Variants in TCEA1 observed in about 807,000 individuals in gnomAD.
The protein encoded by TCEA1 is transcription elongation factor A1, also known as transcription elongation factor A protein 1.
A neutral mutation model predicts 43.8 loss-of-function variants in TCEA1; 21 were observed. The observed-to-expected ratio is 0.48, with a 90% CI of 0.34 to 0.69. The LOEUF is 0.69. TCEA1 is among the 30% of genes least tolerant of loss of function. The pLI is 0.01. For missense variants in TCEA1, 250 were observed against 365.1 expected, an observed-to-expected ratio of 0.68 and a Z score of 2.57; for synonymous variants, 104 against 117.5, an observed-to-expected ratio of 0.88 and a Z score of 0.75.
At position 54,003,906 on chromosome 8, in the gene TCEA1, T is replaced by C. The variant is rs116300473; in HGVS notation, c.127-3856A>G. On this transcript the variant is annotated intron_variant, in intron 2 of 9. Coordinates refer to ENST00000521604, the MANE Select transcript of TCEA1 (RefSeq NM_006756.4). ...TCTATGTCTGATAAGCGACTTGTAT[T>C]TGGAATATATAAAGAACTATTACAA... Among the ~76,000 whole-genome samples, 620 of 151,210 alleles carry C rather than the reference T, an allele frequency of 4.1e-3. 4 individuals are homozygous for C. The highest frequency in any genetic ancestry group is 0.014 in the African/African-American group (591 of 41,192).
chr8:54,008,062 A>G (rs1292416104), intron 2 of TCEA1, among the ~76,000 whole-genome samples: 1 of 151,458 alleles, frequency 6.6e-6, no homozygotes, highest in Non-Finnish European at 1.5e-5. Flanking sequence ...GGCGCCCGTA[A>G]TCCCAGCTAC....
At chr8:54,014,676 T>C (rs1804765125) in intron 1 of TCEA1, among the ~76,000 whole-genome samples, 1 of 152,228 alleles carries the variant, frequency 6.6e-6, no homozygotes, top group Non-Finnish European at 1.5e-5. Context: ...ACTTGTACTA[T>C]GTGCTCAGTA....
intron 1 of TCEA1, among the ~76,000 whole-genome samples, chr8:54,014,771 T>A (rs1451836542): frequency 6.6e-6 from 1 of 152,258 alleles, no homozygotes; most frequent in Non-Finnish European, 1.5e-5. Flanking sequence ...TAGTTAAGAA[T>A]ATGGTGTACA....
At chr8:53,988,308 A>C (rs377254869) in intron 4 of TCEA1, 49 bp from the exon 5 acceptor site, 16 of 1,585,830 alleles carry the variant, frequency 1.0e-5, no homozygotes, top group South Asian at 5.7e-5. Context: ...CAATCCTTTC[A>C]AAGTAACAAT....
At chr8:53,998,340 A>C (rs1383598564) in intron 3 of TCEA1, among the ~76,000 whole-genome samples, 1 of 152,064 alleles carries the variant, frequency 6.6e-6, no homozygotes. Flanking sequence ...ACCTTTCTGT[A>C]CTTTTTTTTT....
intron 1 of TCEA1, among the ~76,000 whole-genome samples, chr8:54,015,476 A>G (rs1804792487): frequency 6.6e-6 from 1 of 152,040 alleles, no homozygotes; most frequent in Non-Finnish European, 1.5e-5. Context: ...CCCATTATCT[A>G]TTTTCTTAAA....
intron 4 of TCEA1, 135 bp from the exon 5 acceptor site, chr8:53,988,394 G>GA (rs1005965846): frequency 4.4e-5 from 46 of 1,057,370 alleles, no homozygotes; most frequent in Non-Finnish European, 5.1e-5. Flanking sequence ...TTATGTGATG[G>GA]AAAAAAAATT....
intron 6 of TCEA1, among the ~76,000 whole-genome samples, chr8:53,985,697 A>G (rs1233995446): frequency 1.3e-5 from 2 of 152,076 alleles, no homozygotes; most frequent in Non-Finnish European, 2.9e-5. Context: ...ACAGCCACCT[A>G]GATGCTCCCT....
intron 2 of TCEA1, among the ~76,000 whole-genome samples, chr8:54,003,499 G>A (rs543214798): frequency 2.0e-5 from 3 of 152,290 alleles, no homozygotes; most frequent in South Asian, 2.1e-4. Flanking sequence ...GGATGGACGC[G>A]CAGATCAATG....
intron 2 of TCEA1, chr8:54,010,125 T>C: frequency 3.4e-6 from 1 of 295,796 alleles, no homozygotes; most frequent in Non-Finnish European, 6.3e-6. Context: ...CAATAATAGA[T>C]CAAGAAAGGG....
At chr8:54,013,680 C>CAAAAAAAA (rs5891511) in intron 1 of TCEA1, among the ~76,000 whole-genome samples, 209 of 65,216 alleles carry the variant, frequency 3.2e-3, no homozygotes, top group Admixed American at 8.3e-3. Context: ...AACTCCATCT[C>CAAAAAAAA]AAAAAAAAAA....
At chr8:53,970,314 A>T in intron 9 of TCEA1, 78 bp downstream of exon 9, 1 of 949,182 alleles carries the variant, frequency 1.1e-6, no homozygotes, top group Non-Finnish European at 1.7e-6. Context: ...TTAGATATCT[A>T]GGCAGACCTA....
intron 1 of TCEA1, among the ~76,000 whole-genome samples, chr8:54,012,219 A>G (rs528056586): frequency 1.3e-5 from 2 of 152,342 alleles, no homozygotes; most frequent in Non-Finnish European, 2.9e-5. Context: ...CAACACATGT[A>G]AAGCTATTTG....
chr8:54,017,453 T>C (rs1188603041), intron 1 of TCEA1, among the ~76,000 whole-genome samples: 1 of 152,192 alleles, frequency 6.6e-6, no homozygotes, highest in Non-Finnish European at 1.5e-5. Context: ...ACAGTAAACA[T>C]ATTTTCTCTC....
intron 4 of TCEA1, among the ~76,000 whole-genome samples, chr8:53,991,291 G>A (rs1803866852): frequency 6.6e-6 from 1 of 152,026 alleles, no homozygotes; most frequent in African/African-American, 2.4e-5. Context: ...TACTCGGGAG[G>A]CTGAGACAGG....
At chr8:54,019,977 A>G (rs1243302896) in intron 1 of TCEA1, among the ~76,000 whole-genome samples, 2 of 152,198 alleles carry the variant, frequency 1.3e-5, no homozygotes, top group Non-Finnish European at 2.9e-5. Context: ...TGTGGAGTTT[A>G]TTCTCATTCT....
chr8:54,013,775 A>G (rs1011045957), intron 1 of TCEA1, among the ~76,000 whole-genome samples: 1 of 152,130 alleles, frequency 6.6e-6, no homozygotes, highest in African/African-American at 2.4e-5. Flanking sequence ...ATAATCATAC[A>G]TTAATTCGGT....
chr8:54,013,259 T>C (rs1282195412), intron 1 of TCEA1, among the ~76,000 whole-genome samples: 3 of 152,220 alleles, frequency 2.0e-5, no homozygotes, highest in Non-Finnish European at 4.4e-5. Flanking sequence ...GGTGAGGCCA[T>C]GGTTGGAATA....
At chr8:53,989,243 A>T (rs1286089415) in intron 4 of TCEA1, among the ~76,000 whole-genome samples, 1 of 152,186 alleles carries the variant, frequency 6.6e-6, no homozygotes, top group Non-Finnish European at 1.5e-5. Context: ...TTTTCCAGTC[A>T]ACCTAATCCT....
Sources: gnomAD v4.1 joint callset for allele counts (sites outside exome capture counted in the v4.1 genomes callset) on GRCh38, gnomAD v4.1.1 for gene constraint, MANE v1.5 for transcripts, NCBI Gene and HGNC (gene_info 2026-07-23, HGNC 2026-07-21) for gene names.